Variants in ADGRD2 observed in about 807,000 individuals in gnomAD.
ADGRD2 encodes adhesion G protein-coupled receptor D2, also known as G protein-coupled receptor PGR24.
A neutral mutation model predicts 44.4 loss-of-function variants in ADGRD2; 71 were observed. That is an observed-to-expected ratio of 1.60 (90% CI 1.32 to 1.95). ADGRD2 has a LOEUF of 1.95. Ranked by LOEUF, ADGRD2 falls within the 30% of genes most tolerant of loss-of-function variation. ADGRD2 has a pLI of 0.00. For synonymous variants in ADGRD2, 481 were observed against 224.8 expected, an observed-to-expected ratio of 2.14 and a Z score of -10.19; for missense variants, 1,039 against 512.4, an observed-to-expected ratio of 2.03 and a Z score of -9.92.
chr9:124,466,334 C>T (rs759597614), exon 11 of ADGRD2: 12 of 717,462 alleles, frequency 1.7e-5, no homozygotes, highest in Non-Finnish European at 3.1e-5. Context: ...TCCGTGGCTG[C>T]CCTGTACCTG....
At chr9:124,451,467 C>A, upstream of ADGRD2, 1 of 349,518 alleles carries the variant, frequency 2.9e-6, no homozygotes, top group Non-Finnish European at 5.7e-6. Flanking sequence ...TGGGCCACCC[C>A]ATCCTGGGCT....
chr9:124,468,035 G>T (rs1308525222), intron 12 of ADGRD2, 53 bp from the exon 16 acceptor site: 3 of 718,058 alleles, frequency 4.2e-6, no homozygotes, highest in Non-Finnish European at 7.8e-6. Flanking sequence ...GCCCTACGGG[G>T]TGTGGGGACC....
chr9:124,454,965 G>A lies in ADGRD2; in HGVS notation c.1233G>A (p.Leu411=). The A allele has an allele frequency of 1.4e-6, 1 of 718,190 alleles. No individual in the cohort carries two copies. The highest frequency in any genetic ancestry group is 2.6e-6 in the Non-Finnish European group (1 of 385,102). 44.5% of individuals were successfully genotyped at this position (718,190 alleles called of 1,614,324 possible). ...TGGCTCCCCTGGGGCCGGCCGCACT[G>A]CTGGCTGTTGTCCGCTTCCTGAAGA... is the stretch of plus-strand genomic sequence containing the variant. The change falls in exon 6 of 22, where the codon CTG becomes CTA. Residue 411 remains leucine (L), a synonymous_variant. Coordinates refer to ENST00000334810, the Ensembl canonical transcript of ADGRD2. The surrounding 1 kb of genome is among the most constrained non-coding windows in gnomAD (Gnocchi z 4.5).
intron 16 of ADGRD2, 35 bp downstream of exon 19, chr9:124,469,582 G>A (rs1588607904): frequency 1.4e-6 from 1 of 715,526 alleles, no homozygotes; most frequent in Non-Finnish European, 2.6e-6. Flanking sequence ...GCAGGAAGCA[G>A]GAAGTGCACA....
chr9:124,453,764 G>A, intron 3 of ADGRD2, 88 bp downstream of exon 6: 1 of 583,468 alleles, frequency 1.7e-6, no homozygotes. Flanking sequence ...TGCCAACCAA[G>A]CCACGCCTAG....
At chr9:124,453,868 C>G (rs1831558589) in intron 3 of ADGRD2, 131 bp from the exon 7 acceptor site, 1 of 598,810 alleles carries the variant, frequency 1.7e-6, no homozygotes, top group Non-Finnish European at 3.0e-6. Context: ...CCCCCGGCCC[C>G]CTTACCCCCA....
chr9:124,451,997 G>GCCGGGGGGCCCC, upstream of ADGRD2: 1 of 360,938 alleles, frequency 2.8e-6, no homozygotes, highest in Non-Finnish European at 5.5e-6. Flanking sequence ...TCCACTGAAT[G>GCCGGGGGGCCCC]CCCCCCTCCC....
chr9:124,451,270 C>T (rs557215129), upstream of ADGRD2: 140 of 467,412 alleles, frequency 3.0e-4, 1 homozygote, highest in South Asian at 2.1e-3. Flanking sequence ...GAACACAAAG[C>T]CCACCTGGAC....
intron 1 of ADGRD2, 85 bp from the exon 5 acceptor site, chr9:124,452,425 G>A: frequency 1.4e-6 from 1 of 712,092 alleles, no homozygotes; most frequent in Non-Finnish European, 2.6e-6. Context: ...ATGACTCCAA[G>A]CCCAGTGTCC....
chr9:124,472,468 T>G (rs1413636497), intron 17 of ADGRD2, among the ~76,000 whole-genome samples: 4 of 122,434 alleles, frequency 3.3e-5, no homozygotes, highest in Admixed American at 1.8e-4. Flanking sequence ...TTTTTGTTTG[T>G]TTTTTGTTTT....
chr9:124,470,494 G>C, exon 17 of ADGRD2: 1 of 710,014 alleles, frequency 1.4e-6, no homozygotes, highest in Non-Finnish European at 2.6e-6. Context: ...CCTCCTACAG[G>C]GCCACGGTGA....
intron 21 of ADGRD2, among the ~76,000 whole-genome samples, chr9:124,477,827 G>A (rs1832076628): frequency 6.6e-6 from 1 of 151,752 alleles, no homozygotes; most frequent in Non-Finnish European, 1.5e-5. Context: ...CCACCCGCGG[G>A]CGCCGCGGCT....
chr9:124,476,373 A>C, exon 20 of ADGRD2: 2 of 701,884 alleles, frequency 2.8e-6, no homozygotes, highest in Non-Finnish European at 5.2e-6. Context: ...ATGGCCCTAG[A>C]ACTCCCTCAG....
exon 14 of ADGRD2, chr9:124,468,571 TCTC>T (rs1378177356): frequency 1.4e-6 from 1 of 718,580 alleles, no homozygotes; most frequent in South Asian, 1.5e-5. Context: ...CTGGTGGCAT[TCTC>T]CTGGATGCTG....
At chr9:124,472,074 G>T (rs1225561726) in intron 17 of ADGRD2, among the ~76,000 whole-genome samples, 2 of 152,164 alleles carry the variant, frequency 1.3e-5, no homozygotes, top group Non-Finnish European at 2.9e-5. Context: ...TAGGGGGTTG[G>T]ATTCCTGATG....
chr9:124,458,837 G>A (rs570807777), intron 10 of ADGRD2, 116 bp downstream of exon 13: 4 of 616,826 alleles, frequency 6.5e-6, no homozygotes, highest in South Asian at 2.0e-5. Context: ...CACACAAAAG[G>A]TACCTGCAAG....
chr9:124,458,219 G>T, exon 9 of ADGRD2: 1 of 718,470 alleles, frequency 1.4e-6, no homozygotes. Flanking sequence ...GCTCAGAGGA[G>T]GCAAACAGGG....
chr9:124,468,543 G>T lies in ADGRD2; in HGVS notation c.2260G>T (p.Ala754Ser), dbSNP rs193166069. 9.7e-6 allele frequency: 7 copies of T among 718,574 alleles called. No individual in the cohort carries two copies. The Admixed American group carries it at 1.0e-4, about 10-fold the overall frequency. The allele number at this position is 718,574 out of a possible 1,614,324, so 44.5% of individuals were successfully genotyped here. A position where few individuals can be genotyped will look rare whatever the true frequency, so the allele number is the denominator to read the frequency against. The change falls in exon 14 of 22, where the codon GCA (alanine) becomes TCA (serine). Residue 754 changes from alanine (A) to serine (S), a missense_variant. Physicochemically the swap from Ala to Ser is moderately conservative, Grantham distance 99. Transcript: ENST00000334810. ...GGTGGCATGTGTGGCTGTCACAGTCGCAATGCACTTCCTCTTTCTGGTGGC... is the reference window on the plus strand; with the variant it reads ...GGTGGCATGTGTGGCTGTCACAGTCTCAATGCACTTCCTCTTTCTGGTGGC...
At chr9:124,467,894 ATT>A in intron 12 of ADGRD2, 70 bp downstream of exon 15, 1 of 712,716 alleles carries the variant, frequency 1.4e-6, no homozygotes, top group Non-Finnish European at 2.6e-6. Flanking sequence ...CCATGTCCCC[ATT>A]GGTCGGGTGT....
Sources: allele counts gnomAD v4.1 joint callset (sites outside exome capture counted in the v4.1 genomes callset), GRCh38; gene constraint gnomAD v4.1.1; non-coding constraint Gnocchi (gnomAD v3.1); transcripts MANE v1.5; gene names NCBI Gene and HGNC (gene_info 2026-07-23, HGNC 2026-07-21).